The following PTN variants were observed in gnomAD, a reference collection of about 807,000 sequenced individuals.
The protein encoded by PTN is heparin affin regulatory protein.
PTN carries 18 observed loss-of-function variants against 24.1 expected under a neutral mutation model. The ratio of observed to expected loss-of-function variants is 0.75; its 90% CI spans 0.52 to 1.11. The LOEUF (loss-of-function observed/expected upper bound fraction) is 1.11, where lower values mean the gene tolerates loss of function less well. PTN is among the 50% of genes least tolerant of loss of function. The probability of loss-of-function intolerance (pLI) is 0.00; values close to 1 mark genes in which losing one functional copy is unlikely to be tolerated. For synonymous variants in PTN, 78 were observed against 68.6 expected, an observed-to-expected ratio of 1.14 and a Z score of -0.67; for missense variants, 163 against 198.8, an observed-to-expected ratio of 0.82 and a Z score of 1.08.
intron 1 of PTN, among the ~76,000 whole-genome samples, chr7:137,262,380 C>T (rs1194418350): frequency 6.6e-6 from 1 of 151,982 alleles, no homozygotes; most frequent in Non-Finnish European, 1.5e-5. Context: ...AAATAGATTT[C>T]TTATCATTCT....
chr7:137,322,998 T>C (rs893099534), intron 1 of PTN, among the ~76,000 whole-genome samples: 1 of 152,258 alleles, frequency 6.6e-6, no homozygotes, highest in African/African-American at 2.4e-5. Flanking sequence ...GCAGCATCAA[T>C]GTTTTTACCT....
At chr7:137,228,573 C>T (rs1367946633) in intron 4 of PTN, among the ~76,000 whole-genome samples, 3 of 151,696 alleles carry the variant, frequency 2.0e-5, no homozygotes. Context: ...GGTTCCACTC[C>T]AGGTCGGCCC....
intron 1 of PTN, among the ~76,000 whole-genome samples, chr7:137,263,575 G>A (rs750426818): frequency 2.6e-5 from 4 of 152,148 alleles, no homozygotes; most frequent in Non-Finnish European, 5.9e-5. Context: ...ATGTAAATGG[G>A]GGTCTGGTAT....
chr7:137,240,996 T>A (rs1194840834), intron 4 of PTN, among the ~76,000 whole-genome samples: 5 of 152,224 alleles, frequency 3.3e-5, no homozygotes, highest in African/African-American at 1.2e-4. Context: ...TGACTCACAG[T>A]TCTGCATGGC....
In PTN at chr7:137,306,665, A is replaced by G. The variant is rs148074703; in HGVS notation, c.-2+36774T>C. Reference sequence around the variant, plus strand: ...GGATAACAAAAATAGCTGAGTTTTCATCTTCCAGCAGATTTGGAAATGTAT... The same window carrying G: ...GGATAACAAAAATAGCTGAGTTTTCGTCTTCCAGCAGATTTGGAAATGTAT... On this transcript the variant is annotated intron_variant, in intron 1 of 4. Coordinates refer to ENST00000348225, the MANE Select transcript of PTN (RefSeq NM_002825.7). 7.1e-3 allele frequency among the ~76,000 whole-genome samples: 1,074 copies of G among 152,226 alleles called. 12 individuals are homozygous for G. Among genetic ancestry groups the G allele is most frequent in the African/African-American group, 0.025 (1,037 of 41,556 alleles).
intron 1 of PTN, among the ~76,000 whole-genome samples, chr7:137,341,602 C>T (rs1268009428): frequency 6.6e-6 from 1 of 152,072 alleles, no homozygotes; most frequent in African/African-American, 2.4e-5. Flanking sequence ...TTATTTATCT[C>T]AAGCTCTAGC....
rs60406979 is a variant in PTN, at chr7:137,287,452, AT to A, written c.-1-32479del. On this transcript the variant is annotated intron_variant, in intron 1 of 4. Transcript: ENST00000348225. ...GTGAAATAAGTAAGACAAAATATGC[AT>A]TTTTTTTTTCAGAGAATTGTAAAAA... Among the ~76,000 whole-genome samples the A allele has an allele frequency of 1.9e-3, 284 of 149,562 alleles. 1 individual carries two copies. The highest frequency in any genetic ancestry group is 4.7e-3 in the African/African-American group (191 of 40,734).
At chr7:137,296,480 T>C (rs1406918633) in intron 1 of PTN, among the ~76,000 whole-genome samples, 1 of 152,050 alleles carries the variant, frequency 6.6e-6, no homozygotes, top group Non-Finnish European at 1.5e-5. Context: ...AATTTGGTTT[T>C]GGAGCTCACA....
rs1218484445 is a variant in PTN at position 137,278,981 on chromosome 7, T to TAAA, written c.-1-24010_-1-24008dup. ...ATAATAATAATAATAATAATAATAA[T>TAAA]AAAATAAAGAAACGGACCAATCCAG... is the stretch of plus-strand genomic sequence containing the variant. On this transcript the variant is annotated intron_variant, in intron 1 of 4. Transcript: ENST00000348225. 1.7e-3 allele frequency among the ~76,000 whole-genome samples: 235 copies of TAAA among 140,426 alleles called. 1 individual carries two copies. The highest frequency in any genetic ancestry group is 4.8e-3 in the African/African-American group (186 of 38,884). 92.1% of individuals were successfully genotyped at this position (140,426 alleles called of 152,430 possible).
At chr7:137,246,771 C>G (rs1255598877) in intron 4 of PTN, among the ~76,000 whole-genome samples, 1 of 152,250 alleles carries the variant, frequency 6.6e-6, no homozygotes, top group Non-Finnish European at 1.5e-5. Flanking sequence ...ATGTGACCAG[C>G]GTTGCATGGG....
intron 4 of PTN, 23 bp from the exon 5 acceptor site, chr7:137,228,098 C>G (rs747768860): frequency 1.4e-6 from 2 of 1,425,432 alleles, no homozygotes; most frequent in South Asian, 2.4e-5. Context: ...AAAAGAGAGA[C>G]AGAAAGAGAG....
At chr7:137,255,058 C>T (rs1281905770) in intron 1 of PTN, 84 bp from the exon 2 acceptor site, 15 of 865,934 alleles carry the variant, frequency 1.7e-5, no homozygotes, top group Non-Finnish European at 2.3e-5. Context: ...TGAAAAGGCT[C>T]CACTTTCCAT....
rs570065174 is a variant in PTN, at chr7:137,317,295, G to C, written c.-2+26144C>G. ...TTGGGTACCCTCGGTGCAGAAATCAGAATATGATTTTTAGGTTTTTTTCCT... is the reference window on the plus strand; with the variant it reads ...TTGGGTACCCTCGGTGCAGAAATCACAATATGATTTTTAGGTTTTTTTCCT... On this transcript the variant is annotated intron_variant, in intron 1 of 4. Coordinates refer to ENST00000348225, the MANE Select transcript of PTN (RefSeq NM_002825.7). Among the ~76,000 whole-genome samples the C allele has an allele frequency of 1.3e-4, 20 of 152,278 alleles. No individual in the cohort carries two copies. The East Asian group carries it at 1.9e-3, about 15-fold the overall frequency.
At chr7:137,338,545 C>T (rs1810484572) in intron 1 of PTN, among the ~76,000 whole-genome samples, 1 of 152,132 alleles carries the variant, frequency 6.6e-6, no homozygotes, top group East Asian at 1.9e-4. Context: ...AAATGTGATC[C>T]CTTTGTCATT....
chr7:137,309,157 C>A (rs1421326518), intron 1 of PTN, among the ~76,000 whole-genome samples: 1 of 152,168 alleles, frequency 6.6e-6, no homozygotes, highest in African/African-American at 2.4e-5. Flanking sequence ...AAAGTGAACA[C>A]CACAATAAAG....
intron 1 of PTN, among the ~76,000 whole-genome samples, chr7:137,261,697 ACTAT>A (rs1809041272): frequency 1.3e-5 from 2 of 152,316 alleles, no homozygotes; most frequent in East Asian, 1.9e-4. Context: ...CAGGAGAAAA[ACTAT>A]CTATTTTTAT....
At chr7:137,322,353 T>C (rs1208299267) in intron 1 of PTN, among the ~76,000 whole-genome samples, 2 of 152,184 alleles carry the variant, frequency 1.3e-5, no homozygotes, top group Non-Finnish European at 2.9e-5. Flanking sequence ...TATCAGTTCA[T>C]ATAGTTATTT....
chr7:137,232,983 T>C (rs1429905543), intron 4 of PTN, among the ~76,000 whole-genome samples: 1 of 151,974 alleles, frequency 6.6e-6, no homozygotes, highest in Non-Finnish European at 1.5e-5. Flanking sequence ...GAATTAAACC[T>C]CTTTTCTTTA....
At chr7:137,235,797 A>G (rs1014413516) in intron 4 of PTN, among the ~76,000 whole-genome samples, 1 of 152,066 alleles carries the variant, frequency 6.6e-6, no homozygotes, top group Non-Finnish European at 1.5e-5. Context: ...TTTCATAGCA[A>G]TACCTTCTAC....
Sources: allele counts gnomAD v4.1 joint callset (sites outside exome capture counted in the v4.1 genomes callset), GRCh38; gene constraint gnomAD v4.1.1; transcripts MANE v1.5; gene names NCBI Gene and HGNC (gene_info 2026-07-23, HGNC 2026-07-21).